The following MAN2A1 variants were observed in gnomAD, a reference collection of about 807,000 sequenced individuals.
MAN2A1 encodes alpha-mannosidase 2.
MAN2A1 carries 76 observed loss-of-function variants against 142.6 expected under a neutral mutation model. That is an observed-to-expected ratio of 0.53 (90% confidence interval 0.44 to 0.65). MAN2A1 has a LOEUF of 0.65. Among genes scored for constraint, MAN2A1 ranks in the 30% least tolerant of loss-of-function variants. The pLI, the probability that MAN2A1 is intolerant of heterozygous loss-of-function variation, is 0.00. For missense variants in MAN2A1, 1,311 were observed against 1,365.1 expected (o/e 0.96, Z 0.62); for synonymous variants, 559 against 473.2 (o/e 1.18, Z -2.35).
intron 4 of MAN2A1, among the ~76,000 whole-genome samples, chr5:109,737,367 G>A (rs1752133815): frequency 6.6e-6 from 1 of 151,888 alleles, no homozygotes; most frequent in South Asian, 2.1e-4. Flanking sequence ...ACCTGCCTCA[G>A]CCTCCCAAAG....
At chr5:109,774,591 A>T (rs1753232172) in intron 7 of MAN2A1, among the ~76,000 whole-genome samples, 197 bp from the exon 8 acceptor site, 1 of 152,166 alleles carries the variant, frequency 6.6e-6, no homozygotes, top group African/African-American at 2.4e-5. Context: ...TTTTTAAAGG[A>T]TAATGAAAAT....
intron 3 of MAN2A1, among the ~76,000 whole-genome samples, chr5:109,718,674 CTG>C (rs1309882718): frequency 6.6e-6 from 1 of 152,182 alleles, no homozygotes; most frequent in Admixed American, 6.5e-5. Context: ...CATACTCATA[CTG>C]CACACACACG....
chr5:109,719,992 A>T (rs1318122811), intron 3 of MAN2A1, among the ~76,000 whole-genome samples: 2 of 152,206 alleles, frequency 1.3e-5, no homozygotes, highest in Non-Finnish European at 2.9e-5. Flanking sequence ...ATCATAGACC[A>T]TGAAATTAAA....
Position 109,690,253 on chromosome 5 carries a change from C to A in MAN2A1, c.-165C>A, listed in dbSNP as rs1053100807. ...GAAGGCCAAGGGCGTGTGGTGGCGC[C>A]GGAGACTAGGTGCGGAGCAAGGCGG... is the stretch of plus-strand genomic sequence containing the variant. On this transcript the variant is annotated 5_prime_UTR_variant, in exon 1 of 22. Coordinates refer to ENST00000261483, the MANE Select transcript of MAN2A1 (RefSeq NM_002372.4). 1 of 677,696 alleles carries A rather than the reference C, an allele frequency of 1.5e-6. No homozygotes were observed. The highest frequency in any genetic ancestry group is 2.6e-6 in the Non-Finnish European group (1 of 390,560). 42.0% of individuals were successfully genotyped at this position (677,696 alleles called of 1,614,324 possible).
intron 10 of MAN2A1, 130 bp from the exon 11 acceptor site, chr5:109,788,804 G>T: frequency 1.7e-6 from 1 of 582,784 alleles, no homozygotes; most frequent in Non-Finnish European, 3.1e-6. Flanking sequence ...GTTTGTCATA[G>T]ATTCATTATA....
At chr5:109,813,913 C>A (rs970584004) in intron 12 of MAN2A1, among the ~76,000 whole-genome samples, 5 of 152,122 alleles carry the variant, frequency 3.3e-5, no homozygotes, top group African/African-American at 1.2e-4. Flanking sequence ...TTTCTCCAGC[C>A]AAAGTAGATT....
chr5:109,843,581 A>G (rs1274390305), intron 17 of MAN2A1, among the ~76,000 whole-genome samples: 3 of 152,200 alleles, frequency 2.0e-5, no homozygotes, highest in Non-Finnish European at 2.9e-5. Context: ...CTCTTCCTCT[A>G]TATGTGTGTG....
At chr5:109,855,689 A>G (rs994984543) in intron 20 of MAN2A1, among the ~76,000 whole-genome samples, 1 of 152,236 alleles carries the variant, frequency 6.6e-6, no homozygotes, top group African/African-American at 2.4e-5. Flanking sequence ...TTATTTCTAT[A>G]TCAGAGGCTT....
At chr5:109,726,127 G>GA (rs1415840342) in intron 3 of MAN2A1, among the ~76,000 whole-genome samples, 1 of 152,030 alleles carries the variant, frequency 6.6e-6, no homozygotes, top group Non-Finnish European at 1.5e-5. Context: ...CCAACAGAAA[G>GA]AAAAAAAGCT....
intron 17 of MAN2A1, among the ~76,000 whole-genome samples, 178 bp downstream of exon 17, chr5:109,842,639 T>G (rs933306374): frequency 6.6e-6 from 1 of 150,946 alleles, no homozygotes; most frequent in African/African-American, 2.5e-5. Context: ...GAAGAAATAT[T>G]TGGGAGACCA....
chr5:109,839,567 C>T (rs10060778), intron 16 of MAN2A1, among the ~76,000 whole-genome samples: 4,469 of 148,770 alleles, frequency 0.03, 216 homozygotes, highest in African/African-American at 0.1. Flanking sequence ...GTCCCAGCTA[C>T]TCAGGAGGCT....
intron 13 of MAN2A1, 30 bp from the exon 14 acceptor site, chr5:109,819,639 T>C (rs780912068): frequency 2.2e-5 from 30 of 1,333,756 alleles, no homozygotes; most frequent in Non-Finnish European, 2.8e-5. Context: ...ACATTTATCT[T>C]TAATAAATTC....
chr5:109,825,547 C>T (rs981544146), intron 16 of MAN2A1, among the ~76,000 whole-genome samples: 3 of 152,192 alleles, frequency 2.0e-5, no homozygotes, highest in Non-Finnish European at 4.4e-5. Context: ...CTAGTTCTCA[C>T]ATCATAGGGC....
intron 1 of MAN2A1, among the ~76,000 whole-genome samples, chr5:109,710,807 C>T (rs1751279736): frequency 6.6e-6 from 1 of 152,166 alleles, no homozygotes; most frequent in Non-Finnish European, 1.5e-5. Flanking sequence ...TCTCCTGCCT[C>T]AGCCTTCCAA....
chr5:109,863,770 G>A (rs1032279257), intron 20 of MAN2A1: 15 of 152,094 alleles, frequency 9.9e-5, no homozygotes, highest in Non-Finnish European at 2.1e-4. Context: ...ATAGTACATG[G>A]GCAGGGTGTT....
chr5:109,864,941 C>A, intron 20 of MAN2A1, 95 bp from the exon 21 acceptor site: 1 of 861,472 alleles, frequency 1.2e-6, no homozygotes, highest in Non-Finnish European at 2.0e-6. Flanking sequence ...AATAAATGTG[C>A]TTTTGGATGC....
At chr5:109,763,221 C>T (rs1273903289) in intron 5 of MAN2A1, among the ~76,000 whole-genome samples, 2 of 152,158 alleles carry the variant, frequency 1.3e-5, no homozygotes, top group Non-Finnish European at 2.9e-5. Flanking sequence ...TTGGGGTGTA[C>T]TGCAGCTGCT....
chr5:109,713,537 G>T lies in MAN2A1; in HGVS notation c.153G>T (p.Leu51Phe), dbSNP rs1240089955. The T allele has an allele frequency of 6.2e-7, 1 of 1,607,396 alleles. No individual in the cohort carries two copies. Among genetic ancestry groups the T allele is most frequent in the Admixed American group, 1.7e-5 (1 of 59,714 alleles). ...TATTGTAGGGCCAGCTCTCAATGTT[G>T]CAAGAAAAAATAGACCATTTGGAGC... ...GSFPQGQLSM[L>F]QEKIDHLERL... Residue 51 changes from leucine to phenylalanine, a missense_variant, in exon 2 of 22, where the codon TTG becomes TTT. This residue lies in a region of MAN2A1 where 409 missense variants were observed against 412.7 expected (regional missense o/e 0.99). Coordinates refer to ENST00000261483, the MANE Select transcript of MAN2A1 (RefSeq NM_002372.4).
rs913081479 is a variant in MAN2A1 at position 109,818,134 on chromosome 5, TTTA to T, written c.2109+714_2109+716del. ...TTGACAGAAGCTATTGCTAGCTACTTTTATTATTATTATTATTATTTTTGAGAC... is the reference window on the plus strand; with the variant it reads ...TTGACAGAAGCTATTGCTAGCTACTTTTATTATTATTATTATTTTTGAGAC... On this transcript the variant is annotated intron_variant, in intron 13 of 21. Coordinates refer to ENST00000261483, the MANE Select transcript of MAN2A1 (RefSeq NM_002372.4). Among the ~76,000 whole-genome samples the T allele has an allele frequency of 1.2e-4, 18 of 151,828 alleles. No homozygotes were observed. The South Asian group carries it at 1.9e-3, about 16-fold the overall frequency.
Sources: allele counts gnomAD v4.1 joint callset (sites outside exome capture counted in the v4.1 genomes callset), GRCh38; gene constraint gnomAD v4.1.1; regional missense constraint gnomAD v4.1.1; transcripts MANE v1.5; gene names NCBI Gene and HGNC (gene_info 2026-07-23, HGNC 2026-07-21).